DRC11: variants seen among roughly 807,000 people sequenced by gnomAD.
The protein encoded by DRC11 is IQ and AAA domain-containing protein 1.
the DRC11 span, among the ~76,000 whole-genome samples, chr2:236,483,609 T>G: frequency 1.3e-3 from 193 of 152,270 alleles, no homozygotes; most frequent in African/African-American, 4.6e-3. The surrounding 1 kb of genome is among the most constrained non-coding windows in gnomAD (Gnocchi z 4.8). Context: ...GAACATGGAC[T>G]TGAATTCTTT....
chr2:236,500,480 G>A, the DRC11 span, among the ~76,000 whole-genome samples: 1 of 152,138 alleles, frequency 6.6e-6, no homozygotes. The surrounding 1 kb of genome is among the most constrained non-coding windows in gnomAD (Gnocchi z 6.3). Context: ...ACACCCCACT[G>A]AGTCAGGAGA....
At chr2:236,324,863 G>A in the DRC11 span, 1 of 1,067,236 alleles carries the variant, frequency 9.4e-7, no homozygotes, top group Non-Finnish European at 1.4e-6. The surrounding 1 kb of genome is among the most constrained non-coding windows in gnomAD (Gnocchi z 5.7). Flanking sequence ...AGAAAAGCCT[G>A]CTAAGCAGGA....
chr2:236,318,778 T>G, the DRC11 span, among the ~76,000 whole-genome samples: 1 of 152,134 alleles, frequency 6.6e-6, no homozygotes, highest in Admixed American at 6.5e-5. The surrounding 1 kb of genome is among the most constrained non-coding windows in gnomAD (Gnocchi z 7.0). Flanking sequence ...GCCGCCAGAT[T>G]GACCCAAGGT....
chr2:236,394,654 T>C, the DRC11 span, among the ~76,000 whole-genome samples: 1 of 150,128 alleles, frequency 6.7e-6, no homozygotes, highest in African/African-American at 2.4e-5. The surrounding 1 kb of genome is among the most constrained non-coding windows in gnomAD (Gnocchi z 7.0). Flanking sequence ...GTTCACAAGC[T>C]GCAGCTGCTG....
At chr2:236,498,629 T>C in the DRC11 span, among the ~76,000 whole-genome samples, 3 of 152,124 alleles carry the variant, frequency 2.0e-5, no homozygotes, top group Non-Finnish European at 4.4e-5. Context: ...GTCCACACCC[T>C]GGCGAGGCAA....
At chr2:236,496,594 A>C in the DRC11 span, among the ~76,000 whole-genome samples, 1 of 152,258 alleles carries the variant, frequency 6.6e-6, no homozygotes, top group East Asian at 1.9e-4. The surrounding 1 kb of genome is among the most constrained non-coding windows in gnomAD (Gnocchi z 6.3). Flanking sequence ...GCCAGCAGCA[A>C]GGGCTCCAGG....
the DRC11 span, among the ~76,000 whole-genome samples, chr2:236,436,832 T>C: frequency 6.6e-6 from 1 of 152,224 alleles, no homozygotes; most frequent in Non-Finnish European, 1.5e-5. Context: ...TCTGTTATTT[T>C]TGTTGTTATC....
the DRC11 span, among the ~76,000 whole-genome samples, chr2:236,436,594 TC>T: frequency 6.6e-6 from 1 of 152,144 alleles, no homozygotes; most frequent in Non-Finnish European, 1.5e-5. Context: ...AGTCTGTCCT[TC>T]CCCATTTATT....
chr2:236,459,568 T>TATACACGTAC, the DRC11 span, among the ~76,000 whole-genome samples: 1 of 131,146 alleles, frequency 7.6e-6, no homozygotes, highest in Non-Finnish European at 1.7e-5. Flanking sequence ...TACGTATATA[T>TATACACGTAC]GTGTATACAT....
chr2:236,386,545 TTC>T, the DRC11 span, among the ~76,000 whole-genome samples: 106 of 152,300 alleles, frequency 7.0e-4, no homozygotes, highest in African/African-American at 2.5e-3. Flanking sequence ...TATTTGATTC[TTC>T]TCTCTTTTTT....
At chr2:236,399,568 A>G in the DRC11 span, 2 of 1,188,846 alleles carry the variant, frequency 1.7e-6, no homozygotes, top group Non-Finnish European at 2.5e-6. The surrounding 1 kb of genome is among the most constrained non-coding windows in gnomAD (Gnocchi z 7.0). Flanking sequence ...AACCGTGACG[A>G]GGGTCCATGC....
the DRC11 span, among the ~76,000 whole-genome samples, chr2:236,484,866 C>A: frequency 6.6e-6 from 1 of 152,208 alleles, no homozygotes; most frequent in African/African-American, 2.4e-5. Flanking sequence ...CCTTCTCAGC[C>A]CCCATTCCTT....
the DRC11 span, among the ~76,000 whole-genome samples, chr2:236,373,494 G>A: frequency 7.2e-5 from 11 of 151,892 alleles, no homozygotes; most frequent in Non-Finnish European, 1.3e-4. Context: ...CCAATGATCC[G>A]CCCACCTCAG....
At chr2:236,450,793 G>C in the DRC11 span, among the ~76,000 whole-genome samples, 5 of 152,028 alleles carry the variant, frequency 3.3e-5, no homozygotes, top group African/African-American at 1.2e-4. Context: ...TTATGCTTTT[G>C]TATCAGTGTG....
At chr2:236,505,036 T>C in the DRC11 span, among the ~76,000 whole-genome samples, 1 of 152,220 alleles carries the variant, frequency 6.6e-6, no homozygotes. Flanking sequence ...GTTCCTGGAA[T>C]TTTAAATGCA....
chr2:236,370,044 G>T, the DRC11 span, among the ~76,000 whole-genome samples: 1,538 of 152,316 alleles, frequency 0.01, 29 homozygotes, highest in African/African-American at 0.036. This position sits in a 1 kb window ranked among gnomAD's most constrained non-coding sequence, Gnocchi z 5.5. Context: ...TGGAAATAGG[G>T]TTGTCGCAGA....
At chr2:236,424,018 A>G in the DRC11 span, among the ~76,000 whole-genome samples, 4,276 of 130,238 alleles carry the variant, frequency 0.033, 210 homozygotes, top group East Asian at 0.2. Context: ...ACATGGACAC[A>G]GGAAGGGGAA....
chr2:236,391,859 C>CAAAGG, the DRC11 span: 1 of 784,448 alleles, frequency 1.3e-6, no homozygotes, highest in Non-Finnish European at 2.2e-6. This position sits in a 1 kb window ranked among gnomAD's most constrained non-coding sequence, Gnocchi z 4.5. Flanking sequence ...GCATGTTTCC[C>CAAAGG]CGTGAGGTGT....
At chr2:236,447,796 T>C in the DRC11 span, among the ~76,000 whole-genome samples, 4,776 of 152,050 alleles carry the variant, frequency 0.031, 246 homozygotes, top group African/African-American at 0.11. This position sits in a 1 kb window ranked among gnomAD's most constrained non-coding sequence, Gnocchi z 4.6. Flanking sequence ...GCATCGCTGG[T>C]TCCATTTGGT....
Sources: allele counts gnomAD v4.1 joint callset (sites outside exome capture counted in the v4.1 genomes callset), GRCh38; gene constraint gnomAD v4.1.1; non-coding constraint Gnocchi (gnomAD v3.1); transcripts MANE v1.5; gene names NCBI Gene and HGNC (gene_info 2026-07-23, HGNC 2026-07-21).